KCNG3: variants seen among roughly 807,000 people sequenced by gnomAD.
KCNG3 encodes potassium voltage-gated channel modifier subfamily G member 3, also known as voltage-gated potassium channel regulatory subunit KCNG3.
In KCNG3, 15 loss-of-function variants were observed where a neutral mutation model predicts 29.0. The ratio of observed to expected loss-of-function variants is 0.52; its 90% CI spans 0.35 to 0.80. The LOEUF (loss-of-function observed/expected upper bound fraction) is 0.80, where lower values mean the gene tolerates loss of function less well. KCNG3 is among the 30% of genes least tolerant of loss of function. KCNG3 has a pLI of 0.01. For synonymous variants in KCNG3, 322 were observed against 248.9 expected (o/e 1.29, Z -2.76); for missense variants, 512 against 605.7 (o/e 0.85, Z 1.62).
chr2:42,454,027 G>T (rs1287148472), intron 1 of KCNG3, among the ~76,000 whole-genome samples: 2 of 149,820 alleles, frequency 1.3e-5, no homozygotes, highest in African/African-American at 4.9e-5. Context: ...CATATGAAAA[G>T]ATGCCCAACA....
At chr2:42,402,170 G>C in the KCNG3 span, among the ~76,000 whole-genome samples, 1 of 152,290 alleles carries the variant, frequency 6.6e-6, no homozygotes, top group East Asian at 1.9e-4. Flanking sequence ...TGTGAGCTGG[G>C]ACATCTACCT....
At chr2:42,423,102 C>G in the KCNG3 span, among the ~76,000 whole-genome samples, 3 of 152,222 alleles carry the variant, frequency 2.0e-5, no homozygotes, top group East Asian at 3.8e-4. Flanking sequence ...ACAGAGCCAA[C>G]AGTCGGCTTG....
chr2:42,453,440 T>G (rs1015244397), intron 1 of KCNG3, among the ~76,000 whole-genome samples: 2 of 152,240 alleles, frequency 1.3e-5, no homozygotes, highest in Admixed American at 6.5e-5. Flanking sequence ...TTTGCACTTC[T>G]GTGATCATCA....
At chr2:42,459,199 C>CA (rs557483168) in intron 1 of KCNG3, among the ~76,000 whole-genome samples, 59,898 of 129,438 alleles carry the variant, frequency 0.46, 13,234 homozygotes, top group Middle Eastern at 0.65. Flanking sequence ...TCCATCGTCT[C>CA]AAAAAAAAAA....
intron 1 of KCNG3, among the ~76,000 whole-genome samples, chr2:42,454,059 C>T (rs1672824191): frequency 7.2e-6 from 1 of 138,290 alleles, no homozygotes; most frequent in South Asian, 2.3e-4. Flanking sequence ...CAGAAAAATG[C>T]AAATCAGAAC....
chr2:42,451,953 G>C (rs1257622017), intron 1 of KCNG3, among the ~76,000 whole-genome samples: 1 of 151,588 alleles, frequency 6.6e-6, no homozygotes, highest in Admixed American at 6.6e-5. Flanking sequence ...AGAGTGAAAG[G>C]GCAACCTACA....
At chr2:42,484,255 A>G (rs1342845387) in intron 1 of KCNG3, among the ~76,000 whole-genome samples, 1 of 151,408 alleles carries the variant, frequency 6.6e-6, no homozygotes, top group African/African-American at 2.4e-5. Flanking sequence ...TGAGGTCAGG[A>G]GTTCGAGACC....
At chr2:42,457,238 A>G (rs983200961) in intron 1 of KCNG3, among the ~76,000 whole-genome samples, 14 of 151,646 alleles carry the variant, frequency 9.2e-5, no homozygotes, top group South Asian at 2.1e-4. Flanking sequence ...TAATCCCAAC[A>G]CTTTGGGAGG....
the KCNG3 span, among the ~76,000 whole-genome samples, chr2:42,423,575 G>A: frequency 6.6e-6 from 1 of 152,096 alleles, no homozygotes. Flanking sequence ...GATCGTCAAG[G>A]GTCTGTCTCC....
Position 42,474,343 on chromosome 2 carries a change from C to A in KCNG3, c.665+18494G>T, listed in dbSNP as rs191934988. On this transcript the variant is annotated intron_variant, in intron 1 of 1. Coordinates refer to ENST00000306078, the MANE Select transcript of KCNG3 (RefSeq NM_133329.6). ...AGGAGTTCGAGACCAGCCTGGCCAACGTGGTGAAACCCTGTCTCTACTAAA... is the reference window on the plus strand; with the variant it reads ...AGGAGTTCGAGACCAGCCTGGCCAAAGTGGTGAAACCCTGTCTCTACTAAA... 8.4e-4 allele frequency among the ~76,000 whole-genome samples: 128 copies of A among 152,052 alleles called. 1 individual carries two copies. Among genetic ancestry groups the A allele is most frequent in the African/African-American group, 2.9e-3 (122 of 41,500 alleles).
the KCNG3 span, among the ~76,000 whole-genome samples, chr2:42,396,469 C>A: frequency 6.6e-6 from 1 of 152,080 alleles, no homozygotes; most frequent in South Asian, 2.1e-4. Context: ...GTCCAACCAA[C>A]CAAAAACAGT....
intron 1 of KCNG3, 29 bp downstream of exon 1, chr2:42,492,808 G>A (rs773794720): frequency 2.1e-6 from 3 of 1,441,028 alleles, no homozygotes; most frequent in East Asian, 2.7e-5. Flanking sequence ...CAGGACGGAC[G>A]GGACGGGTAG....
chr2:42,443,595 GA>G lies in KCNG3; in HGVS notation c.*338del. Reference sequence around the variant, plus strand: ...TTCCAAGCTTCTTCTGAATTCATAAGATGGAAAAACATTTGGAAAATAGTAC... The same window carrying G: ...TTCCAAGCTTCTTCTGAATTCATAAGTGGAAAAACATTTGGAAAATAGTAC... On this transcript the variant is annotated 3_prime_UTR_variant, in exon 2 of 2. Coordinates refer to ENST00000306078, the MANE Select transcript of KCNG3 (RefSeq NM_133329.6). 5.4e-6 allele frequency: 1 copy of G among 185,032 alleles called. No individual in the cohort carries two copies. The highest frequency in any genetic ancestry group is 5.9e-5 in the Admixed American group (1 of 16,892). 11.5% of individuals were successfully genotyped at this position (185,032 alleles called of 1,614,324 possible). A position where few individuals can be genotyped will look rare whatever the true frequency, so the allele number is the denominator to read the frequency against.
chr2:42,474,423 G>A (rs1009776885), intron 1 of KCNG3, among the ~76,000 whole-genome samples: 1 of 152,140 alleles, frequency 6.6e-6, no homozygotes, highest in East Asian at 1.9e-4. Context: ...AGCTACTCGG[G>A]AGGCTGAGGC....
chr2:42,476,520 T>C (rs1035713203), intron 1 of KCNG3, among the ~76,000 whole-genome samples: 10 of 151,892 alleles, frequency 6.6e-5, no homozygotes, highest in Non-Finnish European at 1.5e-4. Context: ...AGAATCTTGC[T>C]CTGTCACCCC....
At chr2:42,458,675 T>G (rs1261694954) in intron 1 of KCNG3, among the ~76,000 whole-genome samples, 1 of 152,186 alleles carries the variant, frequency 6.6e-6, no homozygotes, top group Non-Finnish European at 1.5e-5. Context: ...CTAAGTGCAT[T>G]GGAGTGTCTG....
At chr2:42,481,051 G>A (rs1440582544) in intron 1 of KCNG3, among the ~76,000 whole-genome samples, 1 of 152,186 alleles carries the variant, frequency 6.6e-6, no homozygotes, top group Non-Finnish European at 1.5e-5. Context: ...AAAGTGCTGG[G>A]ATTTCAGGCA....
At chr2:42,474,556 G>A (rs1673376462) in intron 1 of KCNG3, among the ~76,000 whole-genome samples, 1 of 151,934 alleles carries the variant, frequency 6.6e-6, no homozygotes, top group Non-Finnish European at 1.5e-5. Context: ...TTTTAAAAAC[G>A]GTTATGAATC....
At chr2:42,462,330 C>G (rs1291776805) in intron 1 of KCNG3, among the ~76,000 whole-genome samples, 2 of 152,204 alleles carry the variant, frequency 1.3e-5, no homozygotes, top group Non-Finnish European at 1.5e-5. Flanking sequence ...AAGCAGCTAT[C>G]ACACCCTGCA....
Sources: gnomAD v4.1 joint callset for allele counts (sites outside exome capture counted in the v4.1 genomes callset) on GRCh38, gnomAD v4.1.1 for gene constraint, MANE v1.5 for transcripts, NCBI Gene and HGNC (gene_info 2026-07-23, HGNC 2026-07-21) for gene names.